The following ZNF385D variants were observed in gnomAD, a reference collection of about 807,000 sequenced individuals.
ZNF385D encodes zinc finger protein 385D.
Under a neutral mutation model 35.8 loss-of-function variants are expected in ZNF385D, and 15 were observed. The observed-to-expected ratio is 0.42, with a 90% CI of 0.28 to 0.64. ZNF385D has a LOEUF of 0.64. ZNF385D is among the 30% of genes least tolerant of loss of function. The pLI is 0.23. For synonymous variants in ZNF385D, 212 were observed against 186.8 expected, an observed-to-expected ratio of 1.13 and a Z score of -1.10; for missense variants, 474 against 494.6, an observed-to-expected ratio of 0.96 and a Z score of 0.39.
At chr3:21,932,128 C>T (rs1001762049) in intron 3 of ZNF385D, among the ~76,000 whole-genome samples, 9 of 135,138 alleles carry the variant, frequency 6.7e-5, no homozygotes, top group African/African-American at 2.6e-4. Context: ...GATAGCGCCC[C>T]TGCACTCCGG....
intron 1 of ZNF385D, among the ~76,000 whole-genome samples, chr3:21,712,986 T>C (rs1376989512): frequency 6.6e-6 from 1 of 152,196 alleles, no homozygotes; most frequent in Non-Finnish European, 1.5e-5. Context: ...GTGGTGCCAC[T>C]TTTTTGGACA....
chr3:21,577,845 C>CTGTTAG (rs2063539607), intron 2 of ZNF385D, among the ~76,000 whole-genome samples: 1 of 150,682 alleles, frequency 6.6e-6, no homozygotes, highest in African/African-American at 2.4e-5. Flanking sequence ...GGTCTCACTC[C>CTGTTAG]ATTGCCCAGG....
chr3:21,956,098 A>G (rs988087138), intron 3 of ZNF385D, among the ~76,000 whole-genome samples: 2 of 152,030 alleles, frequency 1.3e-5, no homozygotes, highest in African/African-American at 4.8e-5. Context: ...AGGTGAGAGG[A>G]TCTGCTTGAG....
intron 1 of ZNF385D, among the ~76,000 whole-genome samples, chr3:21,732,598 T>C (rs1310792383): frequency 6.6e-6 from 1 of 152,230 alleles, no homozygotes; most frequent in Non-Finnish European, 1.5e-5. Context: ...AGCTGTGTAG[T>C]AATATCTCAT....
At chr3:21,743,751 C>G (rs150512252) in intron 1 of ZNF385D, among the ~76,000 whole-genome samples, 2 of 152,200 alleles carry the variant, frequency 1.3e-5, no homozygotes, top group Admixed American at 1.3e-4. Context: ...TCAATTTATA[C>G]GTTTGGGAAA....
intron 2 of ZNF385D, among the ~76,000 whole-genome samples, chr3:22,169,328 T>A (rs966915126): frequency 3.3e-5 from 5 of 152,204 alleles, no homozygotes; most frequent in Non-Finnish European, 7.3e-5. Flanking sequence ...CCCTTTTTTA[T>A]AGCTGAGGAA....
rs1270573856 is a variant in ZNF385D, at chr3:21,417,108, T to C, written c.*4106A>G. On this transcript the variant is annotated 3_prime_UTR_variant, in exon 8 of 8. Transcript: ENST00000281523. Reference sequence around the variant, plus strand: ...CATATGAATGACCTACAATATGGCTTACACTCAGGATGGAAAGGAATACAG... The same window carrying C: ...CATATGAATGACCTACAATATGGCTCACACTCAGGATGGAAAGGAATACAG... 6.6e-6 allele frequency: 1 copy of C among 152,108 alleles called. No homozygotes were observed. The highest frequency in any genetic ancestry group is 1.5e-5 in the Non-Finnish European group (1 of 67,998). The allele number at this position is 152,108 out of a possible 1,614,324, so 9.4% of individuals were successfully genotyped here. A position where few individuals can be genotyped will look rare whatever the true frequency, so the allele number is the denominator to read the frequency against.
chr3:22,030,708 C>T (rs191525777), intron 3 of ZNF385D, among the ~76,000 whole-genome samples: 1 of 152,198 alleles, frequency 6.6e-6, no homozygotes, highest in Non-Finnish European at 1.5e-5. Context: ...CTGGCCCCTC[C>T]TAAATCTCAT....
At chr3:22,133,370 G>A (rs1703913855) in intron 3 of ZNF385D, among the ~76,000 whole-genome samples, 2 of 151,924 alleles carry the variant, frequency 1.3e-5, no homozygotes, top group Admixed American at 1.3e-4. Flanking sequence ...TCTCTATATG[G>A]GGTGTGCCTG....
At chr3:21,602,150 T>C (rs988021616) in intron 2 of ZNF385D, among the ~76,000 whole-genome samples, 6 of 152,022 alleles carry the variant, frequency 3.9e-5, no homozygotes, top group African/African-American at 1.2e-4. Flanking sequence ...TATAAAACTA[T>C]CAGCTCTCCT....
chr3:22,084,153 G>T (rs1700907050), intron 3 of ZNF385D, among the ~76,000 whole-genome samples: 1 of 152,158 alleles, frequency 6.6e-6, no homozygotes, highest in East Asian at 1.9e-4. Flanking sequence ...GACCATCGTT[G>T]CTAGGAAGAA....
intron 2 of ZNF385D, among the ~76,000 whole-genome samples, chr3:22,364,390 G>T (rs1696556716): frequency 6.6e-6 from 1 of 151,978 alleles, no homozygotes. Flanking sequence ...AATATACATG[G>T]AACTCCTAAA....
At chr3:22,322,197 TACTCTCTTCTTCA>T (rs1409635118) in intron 2 of ZNF385D, among the ~76,000 whole-genome samples, 1 of 152,214 alleles carries the variant, frequency 6.6e-6, no homozygotes, top group Admixed American at 6.5e-5. Flanking sequence ...ACCATTATTT[TACTCTCTTCTTCA>T]TCTTTTCCTA....
At chr3:21,499,646 G>GAA (rs1189961872) in intron 4 of ZNF385D, among the ~76,000 whole-genome samples, 25 of 135,824 alleles carry the variant, frequency 1.8e-4, no homozygotes, top group African/African-American at 6.7e-4. Flanking sequence ...TTTTTAATTT[G>GAA]AAAAAAAAAA....
chr3:21,447,622 G>A (rs1043867373), intron 4 of ZNF385D, among the ~76,000 whole-genome samples: 2 of 152,168 alleles, frequency 1.3e-5, no homozygotes, highest in East Asian at 1.9e-4. Flanking sequence ...GGTTTGTCAT[G>A]TGTCCTTACT....
chr3:21,973,852 G>T (rs915315864), intron 3 of ZNF385D, among the ~76,000 whole-genome samples: 1 of 151,274 alleles, frequency 6.6e-6, no homozygotes, highest in African/African-American at 2.4e-5. Flanking sequence ...TTAAATATCT[G>T]GGAATAAAAC....
intron 3 of ZNF385D, among the ~76,000 whole-genome samples, chr3:22,067,630 A>T (rs1161053238): frequency 6.6e-6 from 1 of 152,244 alleles, no homozygotes; most frequent in Non-Finnish European, 1.5e-5. Context: ...GTATGTTATT[A>T]TACAAACAAA....
chr3:21,524,729 T>G lies in ZNF385D; in HGVS notation c.277-13706A>C, dbSNP rs1004020209. On this transcript the variant is annotated intron_variant, in intron 3 of 7. Coordinates refer to ENST00000281523, the MANE Select transcript of ZNF385D (RefSeq NM_024697.3). The stretch of plus-strand genomic sequence containing the variant: ...CCTCCAAACCTGGCAGTAAGGTTGT[T>G]CTCCCTGAGTTAAAATTGTAGTGGA... Among the ~76,000 whole-genome samples the G allele has an allele frequency of 3.9e-5, 6 of 152,128 alleles. No homozygotes were observed. The East Asian group carries it at 7.7e-4, about 20-fold the overall frequency.
intron 3 of ZNF385D, among the ~76,000 whole-genome samples, chr3:21,958,375 C>A (rs1702399926): frequency 6.6e-6 from 1 of 152,074 alleles, no homozygotes; most frequent in African/African-American, 2.4e-5. Context: ...GTGTAAGTTT[C>A]ATACCTCAAA....
Sources: allele counts gnomAD v4.1 joint callset (sites outside exome capture counted in the v4.1 genomes callset), GRCh38; gene constraint gnomAD v4.1.1; transcripts MANE v1.5; gene names NCBI Gene and HGNC (gene_info 2026-07-23, HGNC 2026-07-21).